TEAD4: variants seen among roughly 807,000 people sequenced by gnomAD.
The protein encoded by TEAD4 is transcriptional enhancer factor TEF-3.
Under a neutral mutation model 52.4 loss-of-function variants are expected in TEAD4, and 36 were observed. The ratio of observed to expected loss-of-function variants is 0.69; its 90% CI spans 0.53 to 0.91. TEAD4 has a LOEUF of 0.91. TEAD4 is among the 40% of genes least tolerant of loss of function. The pLI is 0.00. For missense variants in TEAD4, 508 were observed against 583.9 expected (o/e 0.87, Z 1.34); for synonymous variants, 220 against 231.0 (o/e 0.95, Z 0.43).
intron 3 of TEAD4, among the ~76,000 whole-genome samples, chr12:3,003,202 C>T: frequency 6.6e-6 from 1 of 151,946 alleles, no homozygotes; most frequent in East Asian, 1.9e-4. Context: ...ACACTTCCAC[C>T]CACTCTTGGG....
chr12:2,985,153 G>A lies in TEAD4; in HGVS notation c.-29-9585G>A, dbSNP rs180747904. On this transcript the variant is annotated intron_variant, in intron 2 of 12. Transcript: ENST00000359864. ...TAATCCCAGCACTTTGGGAGGCCGA[G>A]GCGGGTGGATCACGAGGTCAGGAGG... Among the ~76,000 whole-genome samples the A allele has an allele frequency of 2.6e-5, 4 of 152,214 alleles. No individual in the cohort carries two copies. The East Asian group carries it at 7.8e-4, about 30-fold the overall frequency.
intron 2 of TEAD4, among the ~76,000 whole-genome samples, chr12:2,982,731 G>A (rs2098235115): frequency 1.3e-5 from 2 of 152,314 alleles, no homozygotes; most frequent in South Asian, 4.1e-4. Flanking sequence ...AAACCCTGTG[G>A]CCCAGGGCCT....
chr12:2,989,150 C>T (rs564956715), intron 2 of TEAD4, among the ~76,000 whole-genome samples: 1 of 152,230 alleles, frequency 6.6e-6, no homozygotes, highest in South Asian at 2.1e-4. Context: ...ACCGAGCCCC[C>T]ACCCTGTGGG....
intron 4 of TEAD4, among the ~76,000 whole-genome samples, 184 bp downstream of exon 4, chr12:3,011,252 C>T (rs553508126): frequency 2.6e-5 from 4 of 151,892 alleles, no homozygotes; most frequent in Admixed American, 1.3e-4. Context: ...TTTTCTGAGA[C>T]GGGGTTTCAC....
intron 10 of TEAD4, among the ~76,000 whole-genome samples, chr12:3,034,141 GC>G (rs1364488453): frequency 6.8e-6 from 1 of 147,424 alleles, no homozygotes; most frequent in Non-Finnish European, 1.5e-5. Context: ...ACCTCTCTGG[GC>G]CCCCCTGCCT....
intron 2 of TEAD4, among the ~76,000 whole-genome samples, chr12:2,971,633 A>G (rs1258957535): frequency 3.4e-5 from 5 of 147,558 alleles, no homozygotes; most frequent in South Asian, 4.3e-4. Flanking sequence ...CCCCCACCAC[A>G]CCTGGCTAAT....
chr12:3,004,087 G>A (rs576349506), intron 3 of TEAD4, among the ~76,000 whole-genome samples: 3 of 152,316 alleles, frequency 2.0e-5, no homozygotes, highest in South Asian at 2.1e-4. Context: ...GGATACGCTG[G>A]CTCCCACCAG....
chr12:3,015,896 T>C (rs2098264124), intron 5 of TEAD4, among the ~76,000 whole-genome samples: 1 of 151,612 alleles, frequency 6.6e-6, no homozygotes. Flanking sequence ...AAAAAATTCA[T>C]GGGTGGGGGC....
chr12:3,005,886 C>G lies in TEAD4; in HGVS notation c.227-5118C>G, dbSNP rs559346761. Reference sequence around the variant, plus strand: ...TTCCTGGGCTTGGGCGATCTTCCTGCCTCAGGCTCCCAAAGTGCTGGGGTT... The same window carrying G: ...TTCCTGGGCTTGGGCGATCTTCCTGGCTCAGGCTCCCAAAGTGCTGGGGTT... On this transcript the variant is annotated intron_variant, in intron 3 of 12. Coordinates refer to ENST00000359864, the MANE Select transcript of TEAD4 (RefSeq NM_003213.4). Among the ~76,000 whole-genome samples the G allele has an allele frequency of 2.0e-5, 3 of 152,282 alleles. No individual in the cohort carries two copies. In the South Asian group the frequency reaches 6.2e-4, roughly 32 times the overall value.
At position 2,985,166 on chromosome 12, in the gene TEAD4, C is replaced by T. The variant is rs368094564; in HGVS notation, c.-29-9572C>T. 1.1e-3 allele frequency among the ~76,000 whole-genome samples: 163 copies of T among 152,102 alleles called. 1 individual carries two copies. The highest frequency in any genetic ancestry group is 6.8e-3 in the Middle Eastern group (2 of 292). Reference sequence around the variant, plus strand: ...TTGGGAGGCCGAGGCGGGTGGATCACGAGGTCAGGAGGTCGAGACCATCCT... The same window carrying T: ...TTGGGAGGCCGAGGCGGGTGGATCATGAGGTCAGGAGGTCGAGACCATCCT... On this transcript the variant is annotated intron_variant, in intron 2 of 12. Coordinates refer to ENST00000359864, the MANE Select transcript of TEAD4 (RefSeq NM_003213.4).
At chr12:2,986,801 A>G (rs1481934891) in intron 2 of TEAD4, among the ~76,000 whole-genome samples, 1 of 152,216 alleles carries the variant, frequency 6.6e-6, no homozygotes, top group African/African-American at 2.4e-5. Context: ...AGACAGCACA[A>G]GTAGGTTTGT....
intron 10 of TEAD4, among the ~76,000 whole-genome samples, chr12:3,036,377 C>T (rs535309718): frequency 3.3e-5 from 5 of 152,256 alleles, no homozygotes; most frequent in South Asian, 2.1e-4. Flanking sequence ...CAACACCCAC[C>T]GCCAGTCTAG....
intron 3 of TEAD4, among the ~76,000 whole-genome samples, chr12:2,995,571 G>A (rs2098246482): frequency 6.6e-6 from 1 of 152,210 alleles, no homozygotes; most frequent in South Asian, 2.1e-4. Flanking sequence ...CCAGCAGAGG[G>A]TCACCAGAAA....
At chr12:2,977,447 C>T (rs11612559) in intron 2 of TEAD4, among the ~76,000 whole-genome samples, 34,287 of 152,104 alleles carry the variant, frequency 0.23, 5,173 homozygotes, top group African/African-American at 0.43. Flanking sequence ...GGGCCTCCCC[C>T]CCTCTCACCT....
intron 3 of TEAD4, among the ~76,000 whole-genome samples, chr12:3,006,538 A>G (rs951442293): frequency 2.0e-5 from 3 of 151,920 alleles, no homozygotes; most frequent in Non-Finnish European, 4.4e-5. Context: ...TACTAAAACT[A>G]CAAAATTAGC....
chr12:2,980,426 T>A (rs565384369), intron 2 of TEAD4, among the ~76,000 whole-genome samples: 2 of 152,142 alleles, frequency 1.3e-5, no homozygotes, highest in African/African-American at 4.8e-5. Context: ...CCCTTCCTAT[T>A]GTCAACAGAA....
intron 3 of TEAD4, among the ~76,000 whole-genome samples, chr12:2,999,214 G>A (rs1344140317): frequency 4.6e-5 from 7 of 152,104 alleles, no homozygotes; most frequent in South Asian, 2.1e-4. Flanking sequence ...GGGCATCTGC[G>A]CTTCCCATCC....
At chr12:3,020,849 C>T (rs1037148397) in intron 9 of TEAD4, 76 bp downstream of exon 9, 3 of 1,424,060 alleles carry the variant, frequency 2.1e-6, no homozygotes, top group Non-Finnish European at 2.8e-6. Context: ...CAGTCTTGCC[C>T]CACTCCATGC....
intron 5 of TEAD4, among the ~76,000 whole-genome samples, chr12:3,013,765 C>T (rs866003632): frequency 1.3e-5 from 2 of 152,134 alleles, no homozygotes; most frequent in African/African-American, 4.8e-5. Flanking sequence ...TGGGCATGCA[C>T]GCCTGTAATC....
Sources: allele counts gnomAD v4.1 joint callset (sites outside exome capture counted in the v4.1 genomes callset), GRCh38; gene constraint gnomAD v4.1.1; transcripts MANE v1.5; gene names NCBI Gene and HGNC (gene_info 2026-07-23, HGNC 2026-07-21).